Variants in CLSPN observed in about 807,000 individuals in gnomAD.
CLSPN encodes claspin, also known as claspin homolog.
A neutral mutation model predicts 156.3 loss-of-function variants in CLSPN; 85 were observed. That is an observed-to-expected ratio of 0.54 (90% CI 0.46 to 0.65). The LOEUF (loss-of-function observed/expected upper bound fraction) is 0.65, where lower values mean the gene tolerates loss of function less well. CLSPN is among the 30% of genes least tolerant of loss of function. The pLI is 0.00. For synonymous variants in CLSPN, 534 were observed against 542.4 expected, an observed-to-expected ratio of 0.98 and a Z score of 0.22; for missense variants, 1,407 against 1,554.9, an observed-to-expected ratio of 0.90 and a Z score of 1.60.
chr1:35,726,907 G>A (rs1423886172), intron 24 of CLSPN, among the ~76,000 whole-genome samples: 1 of 152,200 alleles, frequency 6.6e-6, no homozygotes, highest in Admixed American at 6.5e-5. Context: ...TCAGGAGGGT[G>A]AACACCCTAA....
chr1:35,738,248 CAA>C, intron 21 of CLSPN, 151 bp from the exon 22 acceptor site: 1 of 651,142 alleles, frequency 1.5e-6, no homozygotes, highest in Non-Finnish European at 2.3e-6. Context: ...CTGCTTTAGA[CAA>C]AAAAAAATTA....
chr1:35,724,197 C>T (rs1167162445), intron 24 of CLSPN, among the ~76,000 whole-genome samples: 1 of 152,120 alleles, frequency 6.6e-6, no homozygotes, highest in Non-Finnish European at 1.5e-5. Flanking sequence ...CCTTGGCCTC[C>T]CAACATTCTG....
In CLSPN at chr1:35,736,312, G is replaced by C. The variant is rs1641469754; in HGVS notation, c.*184C>G. Reference sequence around the variant, plus strand: ...AATTGAAATCAGTGGCCAATTCAGGGAATAATACTAGGAAAAGAGATGTCC... The same window carrying C: ...AATTGAAATCAGTGGCCAATTCAGGCAATAATACTAGGAAAAGAGATGTCC... On this transcript the variant is annotated 3_prime_UTR_variant, in exon 25 of 25. Coordinates refer to ENST00000318121, the MANE Select transcript of CLSPN (RefSeq NM_022111.4). 1 of 1,231,966 alleles carries C rather than the reference G, an allele frequency of 8.1e-7. No individual in the cohort carries two copies. Among genetic ancestry groups the C allele is most frequent in the South Asian group, 3.7e-5 (1 of 27,382 alleles). The allele number at this position is 1,231,966 out of a possible 1,614,324, so 76.3% of individuals were successfully genotyped here. A position where few individuals can be genotyped will look rare whatever the true frequency, so the allele number is the denominator to read the frequency against.
rs148711344 is a variant in CLSPN at position 35,749,731 on chromosome 1, A to G, written c.2109T>C (p.Ser703=). Residue 703 remains serine (S), a synonymous_variant, in exon 11 of 25, where the codon AGT becomes AGC. Coordinates refer to ENST00000318121, the MANE Select transcript of CLSPN (RefSeq NM_022111.4). ...KEMDKENNDG[S]SEIGKAVGFL... is the part of the protein sequence containing the mutation. ...AGCCAACTGCCTTGCCAATTTCACT[A>G]CTGCCATCATTATTTTCTTTATCCA... 1.7e-4 allele frequency: 275 copies of G among 1,613,970 alleles called. No individual in the cohort carries two copies. Among genetic ancestry groups the G allele is most frequent in the Non-Finnish European group, 2.2e-4 (255 of 1,179,982 alleles).
rs756270997 is a variant in CLSPN, at chr1:35,751,270, CCTCCTCCTCTTCTTT to C, written c.1993_2007del (p.Lys665_Glu669del). The C allele has an allele frequency of 3.6e-5, 57 of 1,592,788 alleles. No individual in the cohort carries two copies. The highest frequency in any genetic ancestry group is 1.6e-4 in the East Asian group (7 of 44,768). On this transcript the variant is annotated inframe_deletion, in exon 10 of 25. Transcript: ENST00000318121. Reference sequence around the variant, plus strand: ...GAAACCTCCTGATTTCCTTCTTCTTCCTCCTCCTCTTCTTTCTCCTCCTCTTCCTCTAGTTCTTCC... The same window carrying C: ...GAAACCTCCTGATTTCCTTCTTCTTCCTCCTCCTCTTCCTCTAGTTCTTCC...
intron 18 of CLSPN, among the ~76,000 whole-genome samples, chr1:35,741,038 A>G (rs1641672007): frequency 6.6e-6 from 1 of 152,216 alleles, no homozygotes; most frequent in South Asian, 2.1e-4. Context: ...AGGGATCAAT[A>G]TGATGTCCTA....
intron 24 of CLSPN, among the ~76,000 whole-genome samples, chr1:35,722,687 A>C (rs1037339323): frequency 6.6e-6 from 1 of 151,886 alleles, no homozygotes; most frequent in East Asian, 1.9e-4. Context: ...GCTGGAGTAC[A>C]GTGGTGCAAT....
chr1:35,725,859 C>T lies in CLSPN; in HGVS notation c.3910-4879G>A, dbSNP rs150446636. On this transcript the variant is annotated intron_variant, in intron 24 of 24. Coordinates refer to the CLSPN transcript ENST00000251195. The stretch of plus-strand genomic sequence containing the variant: ...AACAATGATTTATTCATTCTCCTGG[C>T]ACGCACAGAGAAGACAGGCTGGGGA... Among the ~76,000 whole-genome samples, 598 of 152,210 alleles carry T rather than the reference C, an allele frequency of 3.9e-3. 4 individuals carry two copies. The highest frequency in any genetic ancestry group is 7.1e-3 in the Admixed American group (108 of 15,288).
At chr1:35,739,582 A>G (rs1641621984) in intron 18 of CLSPN, 53 bp from the exon 19 acceptor site, 2 of 1,377,614 alleles carry the variant, frequency 1.5e-6, no homozygotes, top group Admixed American at 4.1e-5. Flanking sequence ...TACTCACAGA[A>G]TATGGAAGCA....
At chr1:35,739,719 A>T (rs1240602006) in intron 18 of CLSPN, among the ~76,000 whole-genome samples, 190 bp from the exon 19 acceptor site, 2 of 152,216 alleles carry the variant, frequency 1.3e-5, no homozygotes, top group African/African-American at 4.8e-5. Flanking sequence ...TTACGATGAC[A>T]TGAATGTGAT....
At chr1:35,739,912 A>G (rs1641635814) in intron 18 of CLSPN, among the ~76,000 whole-genome samples, 1 of 152,216 alleles carries the variant, frequency 6.6e-6, no homozygotes, top group Non-Finnish European at 1.5e-5. Context: ...AGGCATTAAC[A>G]TATTATCATA....
intron 18 of CLSPN, among the ~76,000 whole-genome samples, chr1:35,740,501 C>T (rs1465351156): frequency 6.6e-6 from 1 of 151,962 alleles, no homozygotes; most frequent in African/African-American, 2.4e-5. Flanking sequence ...TCACTGCAAC[C>T]TCCACCTCCT....
chr1:35,762,113 A>C (rs1642501001), intron 5 of CLSPN, 43 bp from the exon 6 acceptor site: 1 of 1,361,208 alleles, frequency 7.3e-7, no homozygotes, highest in Admixed American at 1.7e-5. Flanking sequence ...TTATATGAAT[A>C]TCCAGAAAGA....
intron 9 of CLSPN, among the ~76,000 whole-genome samples, chr1:35,752,328 C>T (rs1377435906): frequency 6.6e-6 from 1 of 152,088 alleles, no homozygotes; most frequent in Non-Finnish European, 1.5e-5. Context: ...GCCTGTAATC[C>T]CAGCACTTTG....
At chr1:35,748,676 G>A in intron 12 of CLSPN, 72 bp from the exon 13 acceptor site, 1 of 1,306,322 alleles carries the variant, frequency 7.7e-7, no homozygotes, top group Non-Finnish European at 1.1e-6. Context: ...AAAAAGAGTT[G>A]AGGATGAAAC....
chr1:35,745,453 G>T lies in CLSPN; in HGVS notation c.2964C>A (p.Asp988Glu). The T allele has an allele frequency of 3.1e-6, 5 of 1,607,100 alleles. No homozygotes were observed. Among genetic ancestry groups the T allele is most frequent in the Non-Finnish European group, 4.3e-6 (5 of 1,173,970 alleles). ...ATTCCCAGCAATCTGAGACTTACTT[G>T]TCTGTGGGAAAAGAGCCTGAGCAAA... Reference protein sequence around the residue: ...LALCSGSFPTDKEEEDEEEEF... With the variant: ...LALCSGSFPTEKEEEDEEEEF... The change falls in exon 16 of 25, where the codon GAC becomes GAA. Residue 988 changes from aspartate (D) to glutamate (E), a missense_variant and splice_region_variant. Physicochemically the swap from Asp to Glu is conservative, Grantham distance 45. This residue lies in a region of CLSPN where 1,096 missense variants were observed against 1,193.0 expected (regional missense o/e 0.92). Transcript: ENST00000318121.
rs917478850 is a variant in CLSPN, at chr1:35,750,555, G to A, written c.2028+695C>T. Among the ~76,000 whole-genome samples, 15 of 151,926 alleles carry A rather than the reference G, an allele frequency of 9.9e-5. 1 individual carries two copies. The highest frequency in any genetic ancestry group is 9.7e-4 in the East Asian group (5 of 5,172). ...TTACAGGTGTGTGCCACCACACACA[G>A]CTAATTTTTGTATTTTTAGTAGAGA... On this transcript the variant is annotated intron_variant, in intron 10 of 24. Coordinates refer to ENST00000318121, the MANE Select transcript of CLSPN (RefSeq NM_022111.4).
In CLSPN at chr1:35,751,322, T is replaced by C. The variant is rs2148620253; in HGVS notation, c.1956A>G (p.Lys652=). The change falls in exon 10 of 25, where the codon AAA becomes AAG. Residue 652 remains lysine, a synonymous_variant. Transcript: ENST00000318121. ...SEEDGEEKVE[K]EEKEEELEEE... is the part of the protein sequence containing the mutation. ...CCTCTAGTTCTTCCTCTTTCTCTTC[T>C]TTCTCTACCTTCTCTTCTCCATCTT... 6.3e-7 allele frequency: 1 copy of C among 1,591,398 alleles called. No homozygotes were observed. The highest frequency in any genetic ancestry group is 8.6e-7 in the Non-Finnish European group (1 of 1,166,300).
At chr1:35,765,549 G>GTTTTTTAAAAAAACTTTTTTAAACTTTTT (rs1642642751) in intron 1 of CLSPN, among the ~76,000 whole-genome samples, 13 of 151,700 alleles carry the variant, frequency 8.6e-5, no homozygotes, top group South Asian at 8.3e-4. Flanking sequence ...TTTAGTAACG[G>GTTTTTTAAAAAAACTTTTTTAAACTTTTT]TAAAAAAAAA....
Sources: allele counts gnomAD v4.1 joint callset (sites outside exome capture counted in the v4.1 genomes callset), GRCh38; gene constraint gnomAD v4.1.1; regional missense constraint gnomAD v4.1.1; transcripts MANE v1.5; gene names NCBI Gene and HGNC (gene_info 2026-07-23, HGNC 2026-07-21).